Variants in IMPG1 observed in about 807,000 individuals in gnomAD.
IMPG1 encodes the protein interphotoreceptor matrix proteoglycan 1.
Under a neutral mutation model 92.0 loss-of-function variants are expected in IMPG1, and 85 were observed. That is an observed-to-expected ratio of 0.92 (90% CI 0.78 to 1.11). The LOEUF (loss-of-function observed/expected upper bound fraction) is 1.11. IMPG1 is among the 50% of genes least tolerant of loss of function. The probability of loss-of-function intolerance (pLI) is 0.00; values close to 1 mark genes in which losing one functional copy is unlikely to be tolerated. For synonymous variants in IMPG1, 367 were observed against 334.1 expected (o/e 1.10, Z -1.08); for missense variants, 1,022 against 956.0 (o/e 1.07, Z -0.91).
At chr6:75,954,391 G>T (rs961390535) in intron 12 of IMPG1, among the ~76,000 whole-genome samples, 1 of 152,076 alleles carries the variant, frequency 6.6e-6, no homozygotes, top group Admixed American at 6.5e-5. Flanking sequence ...TCATATGTTT[G>T]TTGGCCGCAT....
rs545826740 is a variant in IMPG1 at position 76,055,875 on chromosome 6, G to C, written c.68-13749C>G. Among the ~76,000 whole-genome samples the C allele has an allele frequency of 1.6e-4, 24 of 151,972 alleles. No individual in the cohort carries two copies. In the South Asian group the frequency reaches 4.4e-3, roughly 28 times the overall value. ...ACTTACTATAACTCAAAAAGAGGTA[G>C]GATAATTAAATATTATCATAACCTT... On this transcript the variant is annotated intron_variant, in intron 1 of 16. Coordinates refer to ENST00000369950, the MANE Select transcript of IMPG1 (RefSeq NM_001563.4).
intron 1 of IMPG1, among the ~76,000 whole-genome samples, chr6:76,063,240 T>A (rs896396024): frequency 1.3e-5 from 2 of 151,156 alleles, no homozygotes; most frequent in Non-Finnish European, 3.0e-5. Flanking sequence ...TGAAATAAAT[T>A]AAATTAAAAT....
chr6:76,058,816 T>C (rs552650390), intron 1 of IMPG1, among the ~76,000 whole-genome samples: 1 of 152,318 alleles, frequency 6.6e-6, no homozygotes, highest in Non-Finnish European at 1.5e-5. Flanking sequence ...CGTTTGAGTT[T>C]CTCTAATAAA....
At chr6:75,935,231 C>T (rs1377004776) in intron 14 of IMPG1, among the ~76,000 whole-genome samples, 1 of 152,216 alleles carries the variant, frequency 6.6e-6, no homozygotes, top group East Asian at 1.9e-4. Flanking sequence ...GGGATTCACG[C>T]GGTAGCAGGA....
intron 12 of IMPG1, among the ~76,000 whole-genome samples, chr6:75,955,850 G>A (rs913572887): frequency 3.3e-5 from 5 of 152,182 alleles, no homozygotes; most frequent in Admixed American, 2.6e-4. Flanking sequence ...TGCATCTATT[G>A]GGATAATCAT....
intron 2 of IMPG1, 64 bp from the exon 3 acceptor site, chr6:76,034,851 G>A (rs1783710925): frequency 9.4e-6 from 13 of 1,376,698 alleles, no homozygotes; most frequent in Middle Eastern, 1.8e-4. Context: ...CCCAAGCAAA[G>A]TCTAATAACA....
At chr6:76,053,716 G>A (rs987679076) in intron 1 of IMPG1, among the ~76,000 whole-genome samples, 4 of 152,022 alleles carry the variant, frequency 2.6e-5, no homozygotes, top group Admixed American at 6.6e-5. Flanking sequence ...TATCAGAGTC[G>A]GCTCTAATTT....
At position 75,924,678 on chromosome 6, in the gene IMPG1, T is replaced by C. The variant is rs369677406; in HGVS notation, c.2244-972A>G. 5.7e-3 allele frequency among the ~76,000 whole-genome samples: 17 copies of C among 3,002 alleles called. 3 individuals carry two copies. Among genetic ancestry groups the C allele is most frequent in the African/African-American group, 0.016 (15 of 946 alleles). 2.0% of individuals were successfully genotyped at this position (3,002 alleles called of 152,430 possible). ...ATATAATATATAATAAATTATATAT[T>C]ATATATTATATATAAATAATTATAT... On this transcript the variant is annotated intron_variant, in intron 15 of 16. Coordinates refer to ENST00000369950, the MANE Select transcript of IMPG1 (RefSeq NM_001563.4).
chr6:76,036,929 G>A (rs1277471888), intron 2 of IMPG1, among the ~76,000 whole-genome samples: 2 of 152,136 alleles, frequency 1.3e-5, no homozygotes, highest in Non-Finnish European at 2.9e-5. Flanking sequence ...CAATGGAAAA[G>A]CATGCGAGGG....
chr6:76,050,286 A>T (rs1370082006), intron 1 of IMPG1, among the ~76,000 whole-genome samples: 1 of 151,846 alleles, frequency 6.6e-6, no homozygotes, highest in Admixed American at 6.6e-5. Flanking sequence ...CTAAAAATAT[A>T]AAAAAAATTA....
At chr6:75,943,831 A>C (rs1331329502) in intron 14 of IMPG1, among the ~76,000 whole-genome samples, 1 of 152,222 alleles carries the variant, frequency 6.6e-6, no homozygotes, top group Non-Finnish European at 1.5e-5. Context: ...TGCCCTCTTC[A>C]TTATGGGACC....
chr6:76,015,333 C>T (rs1271139408), intron 7 of IMPG1, among the ~76,000 whole-genome samples: 15 of 152,038 alleles, frequency 9.9e-5, no homozygotes, highest in Admixed American at 9.8e-4. Flanking sequence ...TGGTTGGGGC[C>T]CTGCTAGGGA....
In IMPG1 at chr6:76,039,098, C is replaced by T. The variant is rs144803130; in HGVS notation, c.301+2795G>A. 3.0e-4 allele frequency among the ~76,000 whole-genome samples: 46 copies of T among 152,294 alleles called. No individual in the cohort carries two copies. In the East Asian group the frequency reaches 5.0e-3, roughly 17 times the overall value. On this transcript the variant is annotated intron_variant, in intron 2 of 16. Transcript: ENST00000369950. ...GATCTCAGTTTTCTTATCCGTACAACGGGAGTGTTGGCTAGATGTTCTCTA... is the reference window on the plus strand; with the variant it reads ...GATCTCAGTTTTCTTATCCGTACAATGGGAGTGTTGGCTAGATGTTCTCTA...
chr6:76,010,702 A>C (rs1783169076), intron 8 of IMPG1, among the ~76,000 whole-genome samples: 1 of 152,130 alleles, frequency 6.6e-6, no homozygotes, highest in Non-Finnish European at 1.5e-5. Flanking sequence ...TCCTACCTGG[A>C]TAGCTATGAC....
rs774319748 is a variant in IMPG1, at chr6:76,018,809, C to G, written c.716G>C (p.Ser239Thr). 2.5e-6 allele frequency: 4 copies of G among 1,612,600 alleles called. No homozygotes were observed. Among genetic ancestry groups the G allele is most frequent in the Non-Finnish European group, 3.4e-6 (4 of 1,179,398 alleles). The part of the protein sequence containing the change: ...AVLEEQRVEL[S>T]VSLVNQKFKA... ...GAACTTCTGGTTTACCAGAGAGACGCTGAGCTCCACCCTCTGCTCCTCCAA... is the reference window on the plus strand; with the variant it reads ...GAACTTCTGGTTTACCAGAGAGACGGTGAGCTCCACCCTCTGCTCCTCCAA... The change falls in exon 7 of 17, where the codon AGC (serine) becomes ACC (threonine). Residue 239 changes from serine (S) to threonine (T), a missense_variant. By Grantham distance (58) the Ser-to-Thr change is moderately conservative (BLOSUM62 1). This residue lies in a region of IMPG1 where 681 missense variants were observed against 583.6 expected (regional missense o/e 1.17). Coordinates refer to ENST00000369950, the MANE Select transcript of IMPG1 (RefSeq NM_001563.4).
In IMPG1 at chr6:75,956,248, T is replaced by A. The variant is rs371179170; in HGVS notation, c.1292-5154A>T. ...GTCCTGGGCTTTTCTTGTTGGTAGG[T>A]TATTAATTACTGCCTCAATTTCAGA... On this transcript the variant is annotated intron_variant, in intron 12 of 16. Transcript: ENST00000369950. 3.9e-3 allele frequency among the ~76,000 whole-genome samples: 589 copies of A among 152,250 alleles called. 6 individuals carry two copies. Among genetic ancestry groups the A allele is most frequent in the African/African-American group, 0.014 (564 of 41,562 alleles).
At chr6:76,030,621 C>G (rs1239222867) in intron 4 of IMPG1, among the ~76,000 whole-genome samples, 2 of 152,108 alleles carry the variant, frequency 1.3e-5, no homozygotes, top group East Asian at 1.9e-4. Context: ...CCCAGAAGCC[C>G]AACATGCTGG....
At chr6:75,962,973 G>A (rs1448132065) in intron 12 of IMPG1, among the ~76,000 whole-genome samples, 5 of 152,000 alleles carry the variant, frequency 3.3e-5, no homozygotes, top group African/African-American at 7.2e-5. Flanking sequence ...CCTGGGAGGC[G>A]GAGGCTGCGG....
chr6:76,001,119 A>G (rs13201783), intron 12 of IMPG1, among the ~76,000 whole-genome samples: 4 of 152,236 alleles, frequency 2.6e-5, no homozygotes, highest in Non-Finnish European at 4.4e-5. Flanking sequence ...TCTATGGTAT[A>G]TTCATGAGTA....
Sources: gnomAD v4.1 joint callset for allele counts (sites outside exome capture counted in the v4.1 genomes callset) on GRCh38, gnomAD v4.1.1 for gene constraint, gnomAD v4.1.1 regional missense constraint, MANE v1.5 for transcripts, NCBI Gene and HGNC (gene_info 2026-07-23, HGNC 2026-07-21) for gene names.